LRCH3: variants seen among roughly 807,000 people sequenced by gnomAD.
The protein encoded by LRCH3 is leucine rich repeats and calponin homology domain containing 3.
In LRCH3, 68 loss-of-function variants were observed where a neutral mutation model predicts 104.5. That is an observed-to-expected ratio of 0.65 (90% CI 0.54 to 0.80). The LOEUF is 0.80. Among genes scored for constraint, LRCH3 ranks in the 30% least tolerant of loss-of-function variants. The probability of loss-of-function intolerance (pLI) is 0.00; values close to 1 mark genes in which losing one functional copy is unlikely to be tolerated. For synonymous variants in LRCH3, 344 were observed against 361.3 expected (o/e 0.95, Z 0.54); for missense variants, 951 against 953.9 (o/e 1.00, Z 0.04).
At chr3:197,833,393 C>G (rs1345153434) in intron 8 of LRCH3, among the ~76,000 whole-genome samples, 5 of 23,536 alleles carry the variant, frequency 2.1e-4, no homozygotes, top group East Asian at 1.5e-3. Flanking sequence ...AAAAAAAAAG[C>G]AGGGCATAGT....
chr3:197,825,371 T>TC (rs1310307501), intron 4 of LRCH3, among the ~76,000 whole-genome samples: 1 of 150,800 alleles, frequency 6.6e-6, no homozygotes, highest in African/African-American at 2.4e-5. Context: ...TTTTTTTTTT[T>TC]TTTTAAATAA....
At chr3:197,825,669 CG>C (rs1357779119) in intron 4 of LRCH3, among the ~76,000 whole-genome samples, 1 of 151,126 alleles carries the variant, frequency 6.6e-6, no homozygotes, top group Non-Finnish European at 1.5e-5. Flanking sequence ...TTAGTAGAGA[CG>C]GGGTCTCACC....
chr3:197,820,609 G>A (rs1734378923), intron 4 of LRCH3, among the ~76,000 whole-genome samples, 179 bp downstream of exon 4: 1 of 152,130 alleles, frequency 6.6e-6, no homozygotes, highest in African/African-American at 2.4e-5. Flanking sequence ...CCAGGAATTC[G>A]AGACCAGCCT....
intron 4 of LRCH3, among the ~76,000 whole-genome samples, chr3:197,824,164 A>C (rs1397181953): frequency 2.0e-5 from 3 of 151,614 alleles, no homozygotes; most frequent in African/African-American, 7.3e-5. Context: ...TCTCGGGTTC[A>C]AGCAATTCTC....
rs1046469750 is a variant in LRCH3, at chr3:197,793,028, A to G, written c.262+1488A>G. Reference sequence around the variant, plus strand: ...GGTCTCCAACTCCTGGGCTCAAGCTATCCGCCGACCTCGGCCTTACAAAAG... The same window carrying G: ...GGTCTCCAACTCCTGGGCTCAAGCTGTCCGCCGACCTCGGCCTTACAAAAG... On this transcript the variant is annotated intron_variant, in intron 1 of 20. Transcript: ENST00000425562. 2.0e-5 allele frequency among the ~76,000 whole-genome samples: 3 copies of G among 152,304 alleles called. No individual in the cohort carries two copies. In the East Asian group the frequency reaches 5.8e-4, roughly 29 times the overall value.
chr3:197,841,494 C>A (rs1737792944), intron 10 of LRCH3, among the ~76,000 whole-genome samples: 1 of 152,132 alleles, frequency 6.6e-6, no homozygotes, highest in Non-Finnish European at 1.5e-5. Flanking sequence ...TGGATAATCT[C>A]CCCATTTTAA....
At chr3:197,874,251 C>T (rs1033698660) in intron 19 of LRCH3, among the ~76,000 whole-genome samples, 1 of 152,162 alleles carries the variant, frequency 6.6e-6, no homozygotes, top group Non-Finnish European at 1.5e-5. Context: ...TCTGTATTTA[C>T]AGCCACTCCC....
intron 15 of LRCH3, among the ~76,000 whole-genome samples, chr3:197,865,088 T>C (rs1281524156): frequency 6.6e-6 from 1 of 152,104 alleles, no homozygotes; most frequent in African/African-American, 2.4e-5. Context: ...CTGCAGTCTT[T>C]AATTCCTAGG....
At chr3:197,825,663 T>C (rs1388116552) in intron 4 of LRCH3, among the ~76,000 whole-genome samples, 1 of 151,458 alleles carries the variant, frequency 6.6e-6, no homozygotes, top group Non-Finnish European at 1.5e-5. Context: ...GTATTTTTAG[T>C]AGAGACGGGG....
At chr3:197,878,407 C>T (rs1713150258) in intron 20 of LRCH3, among the ~76,000 whole-genome samples, 1 of 152,120 alleles carries the variant, frequency 6.6e-6, no homozygotes, top group Non-Finnish European at 1.5e-5. Flanking sequence ...TATGGGCCAG[C>T]CTGCCCCTGT....
At chr3:197,875,858 C>T (rs1712829964) in intron 20 of LRCH3, 83 bp downstream of exon 20, 2 of 866,662 alleles carry the variant, frequency 2.3e-6, no homozygotes, top group South Asian at 3.0e-5. Context: ...TAAAATCTTA[C>T]AGGACTAGCT....
At position 197,839,351 on chromosome 3, in the gene LRCH3, G is replaced by A; in HGVS notation, c.1282G>A (p.Glu428Lys). 1 of 1,594,522 alleles carries A rather than the reference G, an allele frequency of 6.3e-7. No individual in the cohort carries two copies. The highest frequency in any genetic ancestry group is 8.5e-7 in the Non-Finnish European group (1 of 1,174,256). The change falls in exon 10 of 21, where the codon GAG becomes AAG. Residue 428 changes from glutamate (E) to lysine (K), a missense_variant. Transcript: ENST00000425562. ...GSPVKPVAIR[E>K]FQKTEDMRRY... ...ACCAGTAAAGCCAGTAGCCATTAGGGAGTTTCAAAAAACAGAAGATATGAG... is the reference window on the plus strand; with the variant it reads ...ACCAGTAAAGCCAGTAGCCATTAGGAAGTTTCAAAAAACAGAAGATATGAG...
intron 20 of LRCH3, 183 bp downstream of exon 20, chr3:197,875,958 A>T: frequency 2.3e-6 from 1 of 437,326 alleles, no homozygotes; most frequent in African/African-American, 2.0e-5. Context: ...TCCAAGGACC[A>T]CACAAAGAAA....
chr3:197,874,007 G>A (rs1712557051), intron 19 of LRCH3, among the ~76,000 whole-genome samples: 1 of 139,088 alleles, frequency 7.2e-6, no homozygotes, highest in South Asian at 2.5e-4. Flanking sequence ...GCGACAGAGT[G>A]AGACTCTGTC....
intron 15 of LRCH3, among the ~76,000 whole-genome samples, chr3:197,864,486 T>C (rs1741230072): frequency 6.7e-6 from 1 of 148,474 alleles, no homozygotes; most frequent in Admixed American, 6.7e-5. Context: ...GGTGCATGCC[T>C]GTAATCCCAG....
chr3:197,845,309 G>A (rs142815537), intron 10 of LRCH3, among the ~76,000 whole-genome samples: 20 of 151,546 alleles, frequency 1.3e-4, no homozygotes, highest in African/African-American at 4.4e-4. Flanking sequence ...TGCTTGGGAA[G>A]CTGAGGTAGG....
intron 4 of LRCH3, among the ~76,000 whole-genome samples, chr3:197,823,940 G>A (rs1255972556): frequency 1.3e-5 from 2 of 152,142 alleles, no homozygotes; most frequent in Non-Finnish European, 2.9e-5. Context: ...CATCTTCCCA[G>A]TGTAGTTTTA....
At position 197,871,329 on chromosome 3, in the gene LRCH3, T is replaced by G; in HGVS notation, c.1997T>G (p.Ile666Ser). 1 of 1,612,848 alleles carries G rather than the reference T, an allele frequency of 6.2e-7. No homozygotes were observed. Among genetic ancestry groups the G allele is most frequent in the Non-Finnish European group, 8.5e-7 (1 of 1,178,874 alleles). Residue 666 changes from isoleucine to serine, a missense_variant, in exon 19 of 21, where the codon ATT becomes AGT. Coordinates refer to ENST00000425562, the MANE Select transcript of LRCH3 (RefSeq NM_001365715.1). ...ACATGTTTTTTGTTCTTTCAGCATATTGAGTACCGGTTGAAAGTGTCTCTA... is the reference window on the plus strand; with the variant it reads ...ACATGTTTTTTGTTCTTTCAGCATAGTGAGTACCGGTTGAAAGTGTCTCTA... Reference protein sequence around the residue: ...LELIDQLRKHIEYRLKVSLPC... With the variant: ...LELIDQLRKHSEYRLKVSLPC...
At chr3:197,840,120 C>T (rs770052693) in intron 10 of LRCH3, among the ~76,000 whole-genome samples, 28 of 152,086 alleles carry the variant, frequency 1.8e-4, no homozygotes, top group Non-Finnish European at 3.1e-4. Flanking sequence ...ACTCTTTCCA[C>T]TGTACTTGGT....
Sources: gnomAD v4.1 joint callset for allele counts (sites outside exome capture counted in the v4.1 genomes callset) on GRCh38, gnomAD v4.1.1 for gene constraint, MANE v1.5 for transcripts, NCBI Gene and HGNC (gene_info 2026-07-23, HGNC 2026-07-21) for gene names.